The following MOB3B variants were observed in gnomAD, a reference collection of about 807,000 sequenced individuals.
MOB3B encodes MOB kinase activator 3B.
A neutral mutation model predicts 18.7 loss-of-function variants in MOB3B; 7 were observed. The ratio of observed to expected loss-of-function variants is 0.37; its 90% CI spans 0.21 to 0.70. The LOEUF (loss-of-function observed/expected upper bound fraction) is 0.70, where lower values mean the gene tolerates loss of function less well. MOB3B is among the 30% of genes least tolerant of loss of function. MOB3B has a pLI of 0.52. For synonymous variants in MOB3B, 111 were observed against 99.9 expected, an observed-to-expected ratio of 1.11 and a Z score of -0.66; for missense variants, 253 against 281.3, an observed-to-expected ratio of 0.90 and a Z score of 0.72.
intron 2 of MOB3B, among the ~76,000 whole-genome samples, chr9:27,418,535 T>C (rs868158818): frequency 2.6e-5 from 4 of 152,246 alleles, no homozygotes; most frequent in Non-Finnish European, 5.9e-5. Context: ...GTTTAACATA[T>C]GCAAGCCAAT....
chr9:27,385,834 G>A (rs545582934), intron 2 of MOB3B, among the ~76,000 whole-genome samples: 1 of 152,362 alleles, frequency 6.6e-6, no homozygotes, highest in East Asian at 1.9e-4. Flanking sequence ...CCTTTTGACA[G>A]TTTGCTGTGG....
At chr9:27,482,284 T>G (rs1819671973) in intron 1 of MOB3B, among the ~76,000 whole-genome samples, 1 of 119,668 alleles carries the variant, frequency 8.4e-6, no homozygotes, top group Non-Finnish European at 1.8e-5. Flanking sequence ...GGAGCCCCAC[T>G]GGCCACTCAA....
intron 3 of MOB3B, among the ~76,000 whole-genome samples, chr9:27,344,809 C>A (rs1821007179): frequency 6.6e-6 from 1 of 152,252 alleles, no homozygotes; most frequent in South Asian, 2.1e-4. Flanking sequence ...GTGCTGTGAG[C>A]ACTCTGGTCC....
Position 27,326,843 on chromosome 9 carries a change from C to G in MOB3B, c.*3744G>C. On this transcript the variant is annotated 3_prime_UTR_variant, in exon 4 of 4. Transcript: ENST00000262244. ...CCATCACCATGAAATTTTAATACCA[C>G]ATAAATACTTTGTATCTGTTTATGT... The G allele has an allele frequency of 2.9e-6, 1 of 342,624 alleles. No homozygotes were observed. Among genetic ancestry groups the G allele is most frequent in the South Asian group, 1.5e-4 (1 of 6,488 alleles). The allele number at this position is 342,624 out of a possible 1,614,324, so 21.2% of individuals were successfully genotyped here.
chr9:27,488,482 A>G (rs2131484486), intron 1 of MOB3B, among the ~76,000 whole-genome samples: 1 of 152,328 alleles, frequency 6.6e-6, no homozygotes, highest in African/African-American at 2.4e-5. Flanking sequence ...ATCTTGGCTT[A>G]CTGCAGCCTC....
intron 2 of MOB3B, among the ~76,000 whole-genome samples, chr9:27,447,035 G>T (rs766185052): frequency 6.6e-6 from 1 of 152,186 alleles, no homozygotes; most frequent in African/African-American, 2.4e-5. Flanking sequence ...ACACCCAAAG[G>T]TCCTGTCTGC....
At chr9:27,518,126 G>T (rs1307252287) in intron 1 of MOB3B, among the ~76,000 whole-genome samples, 1 of 152,144 alleles carries the variant, frequency 6.6e-6, no homozygotes, top group Non-Finnish European at 1.5e-5. Context: ...ACCTTTCTTT[G>T]TTCTTCAGAA....
At chr9:27,368,272 C>G (rs1354528724) in intron 2 of MOB3B, among the ~76,000 whole-genome samples, 1 of 151,776 alleles carries the variant, frequency 6.6e-6, no homozygotes, top group African/African-American at 2.4e-5. Flanking sequence ...ATTCTCTTGC[C>G]CCTTCATCCA....
At chr9:27,454,988 G>T in intron 2 of MOB3B, 145 bp downstream of exon 2, 1 of 842,384 alleles carries the variant, frequency 1.2e-6, no homozygotes, top group Non-Finnish European at 1.9e-6. Flanking sequence ...TCATTTCAAT[G>T]AGGCTCTTAT....
intron 2 of MOB3B, among the ~76,000 whole-genome samples, chr9:27,431,278 G>T (rs1420275703): frequency 6.6e-6 from 1 of 152,190 alleles, no homozygotes; most frequent in Non-Finnish European, 1.5e-5. Flanking sequence ...AACTAGAGAT[G>T]TAACATGTGG....
intron 2 of MOB3B, among the ~76,000 whole-genome samples, chr9:27,416,917 G>A (rs1822159022): frequency 6.6e-6 from 1 of 152,146 alleles, no homozygotes; most frequent in Admixed American, 6.5e-5. Context: ...ATGACTACTA[G>A]AATAAGCAGG....
chr9:27,357,465 C>G (rs904671889), intron 3 of MOB3B, among the ~76,000 whole-genome samples: 1 of 151,794 alleles, frequency 6.6e-6, no homozygotes, highest in African/African-American at 2.4e-5. Flanking sequence ...GGGTCTCACA[C>G]TAACCACCCC....
chr9:27,448,976 A>C (rs1265909912), intron 2 of MOB3B, among the ~76,000 whole-genome samples: 1 of 152,174 alleles, frequency 6.6e-6, no homozygotes, highest in Non-Finnish European at 1.5e-5. Flanking sequence ...CTATCTCCCC[A>C]ATTCTCCTGC....
chr9:27,404,143 AC>A (rs1217040582), intron 2 of MOB3B, among the ~76,000 whole-genome samples: 1 of 148,698 alleles, frequency 6.7e-6, no homozygotes, highest in Non-Finnish European at 1.5e-5. Flanking sequence ...CTCCATGACT[AC>A]CCTTTTTTTT....
intron 1 of MOB3B, among the ~76,000 whole-genome samples, chr9:27,467,124 T>TA (rs911136958): frequency 4.6e-5 from 7 of 151,280 alleles, no homozygotes; most frequent in South Asian, 2.1e-4. Flanking sequence ...AATAACAAGT[T>TA]AAAAAAAAAG....
intron 2 of MOB3B, among the ~76,000 whole-genome samples, chr9:27,443,264 G>A (rs1317832772): frequency 6.6e-6 from 1 of 152,096 alleles, no homozygotes; most frequent in Non-Finnish European, 1.5e-5. Flanking sequence ...AAGCTTAAGG[G>A]TATTTGACAC....
chr9:27,406,305 G>T (rs542644294), intron 2 of MOB3B, among the ~76,000 whole-genome samples: 7 of 152,152 alleles, frequency 4.6e-5, no homozygotes, highest in Non-Finnish European at 1.0e-4. Flanking sequence ...AAGAAACCAA[G>T]AAAGTAATCC....
At chr9:27,398,333 G>T (rs1412224178) in intron 2 of MOB3B, among the ~76,000 whole-genome samples, 1 of 152,196 alleles carries the variant, frequency 6.6e-6, no homozygotes, top group Non-Finnish European at 1.5e-5. Context: ...CTCAGAGCAA[G>T]AACTAACCAA....
At chr9:27,337,366 T>C (rs1820879388) in intron 3 of MOB3B, among the ~76,000 whole-genome samples, 1 of 152,226 alleles carries the variant, frequency 6.6e-6, no homozygotes, top group African/African-American at 2.4e-5. Flanking sequence ...ACTGACCATC[T>C]TGAAAATTCC....
Sources: allele counts gnomAD v4.1 joint callset (sites outside exome capture counted in the v4.1 genomes callset), GRCh38; gene constraint gnomAD v4.1.1; transcripts MANE v1.5; gene names NCBI Gene and HGNC (gene_info 2026-07-23, HGNC 2026-07-21).